Variants in KPNA7 observed in about 807,000 individuals in gnomAD.
The protein encoded by KPNA7 is importin subunit alpha-8.
KPNA7 carries 54 observed loss-of-function variants against 53.7 expected under a neutral mutation model. The observed-to-expected ratio is 1.01, with a 90% CI of 0.81 to 1.26. The LOEUF is 1.26. Ranked by LOEUF, KPNA7 falls within the 50% of genes most tolerant of loss-of-function variation. The pLI is 0.00. For synonymous variants in KPNA7, 276 were observed against 259.3 expected (o/e 1.06, Z -0.62); for missense variants, 640 against 644.5 (o/e 0.99, Z 0.07).
At chr7:99,181,332 C>T (rs1349065122) in intron 9 of KPNA7, among the ~76,000 whole-genome samples, 1 of 152,180 alleles carries the variant, frequency 6.6e-6, no homozygotes, top group Admixed American at 6.6e-5. Flanking sequence ...AACTCCCTAC[C>T]TGATGTGTCT....
upstream of KPNA7, among the ~76,000 whole-genome samples, chr7:99,211,078 T>C (rs1299681256): frequency 6.6e-6 from 1 of 152,080 alleles, no homozygotes; most frequent in Admixed American, 6.6e-5. Flanking sequence ...AATTCAGACA[T>C]ATCAATTTGA....
At chr7:99,162,814 A>G in the KPNA7 span, among the ~76,000 whole-genome samples, 1,776 of 152,122 alleles carry the variant, frequency 0.012, 33 homozygotes, top group African/African-American at 0.041. Flanking sequence ...TTCAACTACA[A>G]TCTACGAATA....
the KPNA7 span, among the ~76,000 whole-genome samples, chr7:99,146,665 T>C: frequency 7.4e-6 from 1 of 136,024 alleles, no homozygotes; most frequent in Non-Finnish European, 1.5e-5. Context: ...TGAGGCGAGA[T>C]TGTGCCACTG....
At chr7:99,206,255 G>A (rs918153379) in intron 2 of KPNA7, among the ~76,000 whole-genome samples, 2 of 152,146 alleles carry the variant, frequency 1.3e-5, no homozygotes, top group Non-Finnish European at 2.9e-5. Flanking sequence ...CCACCTCCCA[G>A]GTTCAAGCAG....
chr7:99,145,843 G>A, the KPNA7 span, among the ~76,000 whole-genome samples: 1 of 152,066 alleles, frequency 6.6e-6, no homozygotes, highest in Non-Finnish European at 1.5e-5. Context: ...GTCTCTCCTG[G>A]GCAGGATTCA....
At chr7:99,178,536 C>G (rs1394013659) in intron 9 of KPNA7, among the ~76,000 whole-genome samples, 2 of 151,892 alleles carry the variant, frequency 1.3e-5, no homozygotes, top group East Asian at 3.8e-4. Context: ...CCACTGCACT[C>G]CAGCCTGGAT....
At chr7:99,199,065 G>GAAAACAAAAAA (rs1790375230) in intron 3 of KPNA7, among the ~76,000 whole-genome samples, 1 of 61,148 alleles carries the variant, frequency 1.6e-5, no homozygotes, top group Non-Finnish European at 3.0e-5. Context: ...GCTGCAAACT[G>GAAAACAAAAAA]AAAAAAAAAA....
the KPNA7 span, among the ~76,000 whole-genome samples, chr7:99,163,974 A>G: frequency 6.6e-6 from 1 of 152,018 alleles, no homozygotes; most frequent in Admixed American, 6.6e-5. Flanking sequence ...TGATCATTAA[A>G]AAGTCAGGAA....
At chr7:99,154,758 C>T in the KPNA7 span, among the ~76,000 whole-genome samples, 1 of 151,968 alleles carries the variant, frequency 6.6e-6, no homozygotes, top group African/African-American at 2.4e-5. Flanking sequence ...ATCTCCTGAC[C>T]TCATGAACCG....
intron 4 of KPNA7, 116 bp downstream of exon 4, chr7:99,195,968 G>A: frequency 1.3e-6 from 1 of 783,608 alleles, no homozygotes; most frequent in Non-Finnish European, 2.1e-6. Context: ...CTTTTCCTGT[G>A]TTTTACGGGC....
At chr7:99,149,378 G>A in the KPNA7 span, among the ~76,000 whole-genome samples, 107 of 152,308 alleles carry the variant, frequency 7.0e-4, 1 homozygote, top group African/African-American at 2.5e-3. Context: ...CATATCACCA[G>A]CCGGTGCTGA....
At chr7:99,156,376 T>C in the KPNA7 span, among the ~76,000 whole-genome samples, 1 of 152,210 alleles carries the variant, frequency 6.6e-6, no homozygotes, top group African/African-American at 2.4e-5. Flanking sequence ...ATAGGTAATC[T>C]ATTTTTTGTT....
the KPNA7 span, among the ~76,000 whole-genome samples, chr7:99,161,521 T>G: frequency 2.0e-5 from 3 of 152,150 alleles, no homozygotes; most frequent in African/African-American, 7.2e-5. Context: ...ATCTAAATTG[T>G]CCCCCAGATT....
intron 5 of KPNA7, among the ~76,000 whole-genome samples, chr7:99,194,110 GA>G (rs1790101597): frequency 6.6e-6 from 1 of 152,152 alleles, no homozygotes; most frequent in South Asian, 2.1e-4. Flanking sequence ...CTCTGAACTT[GA>G]AAATGCTAAT....
upstream of KPNA7, among the ~76,000 whole-genome samples, chr7:99,212,100 G>A (rs763525345): frequency 1.3e-5 from 2 of 152,060 alleles, no homozygotes; most frequent in African/African-American, 4.8e-5. Context: ...ACAACTTCAA[G>A]CTCGAGGTAG....
intron 1 of KPNA7, among the ~76,000 whole-genome samples, chr7:99,214,477 A>C (rs1004345095): frequency 6.8e-6 from 1 of 147,176 alleles, no homozygotes; most frequent in African/African-American, 2.5e-5. Flanking sequence ...AAAACAAAAA[A>C]ACTAGCCAGT....
chr7:99,203,283 G>C (rs1790644139), intron 2 of KPNA7, 43 bp from the exon 3 acceptor site: 3 of 1,537,336 alleles, frequency 2.0e-6, no homozygotes, highest in Non-Finnish European at 2.6e-6. Context: ...CCAGGAGTGG[G>C]GATGTCACAT....
At chr7:99,204,161 T>C (rs1790682998) in intron 2 of KPNA7, among the ~76,000 whole-genome samples, 1 of 151,966 alleles carries the variant, frequency 6.6e-6, no homozygotes, top group Non-Finnish European at 1.5e-5. Flanking sequence ...GGGAGGATCA[T>C]TGAGGCCAGG....
chr7:99,175,138 T>C (rs1798851433), intron 10 of KPNA7, among the ~76,000 whole-genome samples: 1 of 152,132 alleles, frequency 6.6e-6, no homozygotes, highest in Non-Finnish European at 1.5e-5. Flanking sequence ...GAGGTTTTCA[T>C]AGGAACCATT....
Sources: gnomAD v4.1 joint callset for allele counts (sites outside exome capture counted in the v4.1 genomes callset) on GRCh38, gnomAD v4.1.1 for gene constraint, MANE v1.5 for transcripts, NCBI Gene and HGNC (gene_info 2026-07-23, HGNC 2026-07-21) for gene names.